TCF12: variants seen among roughly 807,000 people sequenced by gnomAD.
TCF12 encodes the protein DNA-binding protein HTF4.
Under a neutral mutation model 86.0 loss-of-function variants are expected in TCF12, and 45 were observed. The ratio of observed to expected loss-of-function variants is 0.52; its 90% CI spans 0.41 to 0.67. TCF12 has a LOEUF of 0.67. TCF12 is among the 30% of genes least tolerant of loss of function. TCF12 has a pLI of 0.00. For missense variants in TCF12, 881 were observed against 859.9 expected, an observed-to-expected ratio of 1.02 and a Z score of -0.31; for synonymous variants, 330 against 299.6, an observed-to-expected ratio of 1.10 and a Z score of -1.05.
At chr15:57,019,499 T>C (rs1181373233) in intron 3 of TCF12, among the ~76,000 whole-genome samples, 2 of 152,064 alleles carry the variant, frequency 1.3e-5, no homozygotes, top group African/African-American at 4.8e-5. Flanking sequence ...GCTAAGGTTT[T>C]TAATGGGTAA....
At chr15:57,187,574 AGCCACATTCAAAGCCGTCCTGG>A (rs2056748158) in intron 6 of TCF12, among the ~76,000 whole-genome samples, 1 of 152,206 alleles carries the variant, frequency 6.6e-6, no homozygotes, top group African/African-American at 2.4e-5. Flanking sequence ...ATTTGTGTTG[AGCCACATTCAAAGCCGTCCTGG>A]GCCACGTAAC....
intron 13 of TCF12, among the ~76,000 whole-genome samples, chr15:57,249,895 A>G (rs1019706419): frequency 6.6e-6 from 1 of 152,158 alleles, no homozygotes; most frequent in Non-Finnish European, 1.5e-5. Flanking sequence ...GAAGATTTTG[A>G]TCAGTTGTTT....
At chr15:57,264,893 C>T (rs1281244527) in intron 18 of TCF12, among the ~76,000 whole-genome samples, 1 of 151,894 alleles carries the variant, frequency 6.6e-6, no homozygotes, top group Non-Finnish European at 1.5e-5. Flanking sequence ...CCATGCCCGG[C>T]GAATTTTTGT....
At chr15:57,196,961 G>A (rs1421515983) in intron 7 of TCF12, among the ~76,000 whole-genome samples, 1 of 151,880 alleles carries the variant, frequency 6.6e-6, no homozygotes. Flanking sequence ...TTAAAAAACT[G>A]TAGGATAGCA....
At chr15:57,224,047 A>G (rs564766956) in intron 8 of TCF12, among the ~76,000 whole-genome samples, 2 of 152,144 alleles carry the variant, frequency 1.3e-5, no homozygotes, top group African/African-American at 4.8e-5. Context: ...TGTGAGCCCA[A>G]GAAAGTTTTC....
chr15:57,261,289 A>C (rs1165753067), intron 16 of TCF12, among the ~76,000 whole-genome samples: 1 of 152,222 alleles, frequency 6.6e-6, no homozygotes, highest in Non-Finnish European at 1.5e-5. Flanking sequence ...GGAAGAACGA[A>C]TCTATTCTAA....
rs545782019 is a variant in TCF12 at position 57,182,900 on chromosome 15, A to G, written c.391-9258A>G. ...ACAAATTCATTTATAAATCACTTAC[A>G]TGTTTTCAAGTTAACAATCTTAGAA... On this transcript the variant is annotated intron_variant, in intron 6 of 20. Coordinates refer to ENST00000333725, the MANE Select transcript of TCF12 (RefSeq NM_207037.2). 5.3e-5 allele frequency among the ~76,000 whole-genome samples: 8 copies of G among 152,218 alleles called. 1 individual carries two copies. The South Asian group carries it at 1.7e-3, about 32-fold the overall frequency.
chr15:57,018,195 A>G (rs2065263734), intron 3 of TCF12, among the ~76,000 whole-genome samples: 1 of 152,238 alleles, frequency 6.6e-6, no homozygotes, highest in Non-Finnish European at 1.5e-5. Flanking sequence ...ATACACATTG[A>G]TTAGCAGCAG....
At chr15:57,072,088 A>G (rs1174726292) in intron 4 of TCF12, among the ~76,000 whole-genome samples, 1 of 152,220 alleles carries the variant, frequency 6.6e-6, no homozygotes, top group Non-Finnish European at 1.5e-5. Context: ...CCAAGGTGAA[A>G]GAGTGACAAA....
chr15:57,086,415 T>C lies in TCF12; in HGVS notation c.223-5374T>C, dbSNP rs1210952558. Among the ~76,000 whole-genome samples the C allele has an allele frequency of 5.9e-5, 9 of 151,960 alleles. No individual in the cohort carries two copies. In the East Asian group the frequency reaches 1.7e-3, roughly 29 times the overall value. ...AGATAAGAAAGTTTAATATGCCCCA[T>C]GCCACATAGCTTGTATGTACCAAAG... On this transcript the variant is annotated intron_variant, in intron 4 of 20. Transcript: ENST00000333725.
At chr15:57,266,109 ATTTATTT>A (rs2060857630) in intron 18 of TCF12, among the ~76,000 whole-genome samples, 1 of 150,742 alleles carries the variant, frequency 6.6e-6, no homozygotes, top group African/African-American at 2.4e-5. Context: ...TTATTTATTT[ATTTATTT>A]ATTTATTTAT....
rs141801496 is a variant in TCF12, at chr15:57,069,916, G to C, written c.222+6093G>C. Among the ~76,000 whole-genome samples, 249 of 152,330 alleles carry C rather than the reference G, an allele frequency of 1.6e-3. 1 individual carries two copies. Among genetic ancestry groups the C allele is most frequent in the South Asian group, 4.6e-3 (22 of 4,828 alleles). On this transcript the variant is annotated intron_variant, in intron 4 of 20. Coordinates refer to ENST00000333725, the MANE Select transcript of TCF12 (RefSeq NM_207037.2). ...TTGGGTAGAATAGCATAGAATTTAA[G>C]AGCTTGAGCATTAAAATCAAGCTGT... is the stretch of plus-strand genomic sequence containing the variant.
chr15:57,092,643 C>G (rs1189524161), intron 5 of TCF12, among the ~76,000 whole-genome samples: 1 of 151,914 alleles, frequency 6.6e-6, no homozygotes, highest in East Asian at 1.9e-4. Context: ...TTTGCAAAAC[C>G]TGATTGAAAA....
chr15:57,116,144 A>G (rs1241995553), intron 5 of TCF12, among the ~76,000 whole-genome samples: 1 of 152,252 alleles, frequency 6.6e-6, no homozygotes, highest in East Asian at 1.9e-4. Flanking sequence ...TTTACTTGAC[A>G]CTATCAGTAG....
Position 57,288,842 on chromosome 15 carries a change from A to G in TCF12, c.*2697A>G, listed in dbSNP as rs892513243. 1 of 152,240 alleles carries G rather than the reference A, an allele frequency of 6.6e-6. No homozygotes were observed. The highest frequency in any genetic ancestry group is 6.5e-5 in the Admixed American group (1 of 15,282). The allele number at this position is 152,240 out of a possible 1,614,324, so 9.4% of individuals were successfully genotyped here. ...CAGAGAAAAATGAAGAAGATGGAAA[A>G]AGACTCAAAAGAGGCTTTTTAAGTT... On this transcript the variant is annotated 3_prime_UTR_variant, in exon 21 of 21. Transcript: ENST00000333725.
At chr15:57,030,042 G>A (rs184520818) in intron 3 of TCF12, among the ~76,000 whole-genome samples, 6 of 148,350 alleles carry the variant, frequency 4.0e-5, no homozygotes, top group Non-Finnish European at 7.4e-5. Flanking sequence ...ACATTTTTGT[G>A]CATGTTTTTG....
rs571306461 is a variant in TCF12 at position 57,003,851 on chromosome 15, T to G, written c.149-59899T>G. Among the ~76,000 whole-genome samples the G allele has an allele frequency of 7.9e-5, 12 of 152,360 alleles. No individual in the cohort carries two copies. In the South Asian group the frequency reaches 8.3e-4, roughly 11 times the overall value. On this transcript the variant is annotated intron_variant, in intron 3 of 20. Transcript: ENST00000333725. Reference sequence around the variant, plus strand: ...AGCTAGTGTTCTTATTTATTTCCTTTGCTTTCACCTTCTTCCTCTCTCCTC... The same window carrying G: ...AGCTAGTGTTCTTATTTATTTCCTTGGCTTTCACCTTCTTCCTCTCTCCTC...
intron 13 of TCF12, among the ~76,000 whole-genome samples, chr15:57,249,452 C>G (rs2060009170): frequency 6.6e-6 from 1 of 150,808 alleles, no homozygotes. Context: ...TATTTTTTCT[C>G]ACAATTTTAG....
At chr15:57,002,592 T>A (rs1426683185) in intron 3 of TCF12, among the ~76,000 whole-genome samples, 2 of 152,224 alleles carry the variant, frequency 1.3e-5, no homozygotes, top group African/African-American at 4.8e-5. Context: ...AAGACAGTTA[T>A]CGGTCAAGCA....
Sources: allele counts gnomAD v4.1 joint callset (sites outside exome capture counted in the v4.1 genomes callset), GRCh38; gene constraint gnomAD v4.1.1; transcripts MANE v1.5; gene names NCBI Gene and HGNC (gene_info 2026-07-23, HGNC 2026-07-21).